IZUMO3: variants seen among roughly 807,000 people sequenced by gnomAD.
IZUMO3 encodes IZUMO family member 3.
IZUMO3 carries 36 observed loss-of-function variants against 28.4 expected under a neutral mutation model. The observed-to-expected ratio is 1.27, with a 90% CI of 0.97 to 1.67. The LOEUF is 1.67. Ranked by LOEUF, IZUMO3 falls within the 40% of genes most tolerant of loss-of-function variation. The pLI is 0.00. For missense variants in IZUMO3, 387 were observed against 278.5 expected (o/e 1.39, Z -2.77); for synonymous variants, 126 against 99.2 (o/e 1.27, Z -1.61).
In IZUMO3 at chr9:24,545,068, G is replaced by C. The variant is rs1047103890; in HGVS notation, c.302-7C>G. 1 of 1,529,186 alleles carries C rather than the reference G, an allele frequency of 6.5e-7. No homozygotes were observed. Among genetic ancestry groups the C allele is most frequent in the South Asian group, 1.2e-5 (1 of 83,582 alleles). The allele number at this position is 1,529,186 out of a possible 1,614,324, so 94.7% of individuals were successfully genotyped here. On this transcript the variant is annotated splice_polypyrimidine_tract_variant and splice_region_variant and intron_variant, in intron 2 of 6. Transcript: ENST00000543880. ...CCTTGATAGATAAAGACACCTAAGA[G>C]GGAGTGGAAGGGGTGTCAAAAAATA...
rs765503244 is a variant in IZUMO3 at position 24,545,492 on chromosome 9, C to A, written c.158G>T (p.Arg53Leu). The A allele has an allele frequency of 2.0e-6, 3 of 1,535,528 alleles. No homozygotes were observed. The highest frequency in any genetic ancestry group is 2.6e-6 in the Non-Finnish European group (3 of 1,146,698). ...TAAATGAATCATCTCCTTAATCTGC[C>A]GTTCAAGCAGCTGAGTTCGGCCGGG... ...EVPGRTQLLERQIKEMIHLSF... is the reference protein window; with the variant it reads ...EVPGRTQLLELQIKEMIHLSF... The change falls in exon 1 of 7, where the codon CGG (arginine) becomes CTG (leucine). Residue 53 changes from arginine (R) to leucine (L), a missense_variant. By Grantham distance (102) the Arg-to-Leu change is moderately radical. Transcript: ENST00000543880.
chr9:24,543,142 G>A lies in IZUMO3; in HGVS notation c.*87C>T, dbSNP rs1819486992. 1.9e-6 allele frequency: 2 copies of A among 1,046,812 alleles called. No individual in the cohort carries two copies. Among genetic ancestry groups the A allele is most frequent in the Admixed American group, 3.4e-5 (1 of 29,202 alleles). 64.8% of individuals were successfully genotyped at this position (1,046,812 alleles called of 1,614,324 possible). On this transcript the variant is annotated 3_prime_UTR_variant, in exon 7 of 7. Transcript: ENST00000543880. Reference sequence around the variant, plus strand: ...CAGTTTTAAAATACTATGACTTTATGACCAAGAAAGGGTTTACCTCCCAGT... The same window carrying A: ...CAGTTTTAAAATACTATGACTTTATAACCAAGAAAGGGTTTACCTCCCAGT...
chr9:24,545,820 A>C lies in IZUMO3; in HGVS notation c.-171T>G. ...CAATCTTTAGTTGTTTAGTTTAATG[A>C]TCTTTAGTTGTTTACTGACTATTAT... On this transcript the variant is annotated 5_prime_UTR_variant, in exon 1 of 7. Coordinates refer to ENST00000543880, the MANE Select transcript of IZUMO3 (RefSeq NM_001365008.2). 1 of 1,543,480 alleles carries C rather than the reference A, an allele frequency of 6.5e-7. No homozygotes were observed. Among genetic ancestry groups the C allele is most frequent in the East Asian group, 2.5e-5 (1 of 40,708 alleles).
chr9:24,544,343 T>C (rs1819531090), intron 4 of IZUMO3, 62 bp from the exon 5 acceptor site: 1 of 1,139,646 alleles, frequency 8.8e-7, no homozygotes, highest in East Asian at 2.6e-5. Context: ...TCCTTAGTCA[T>C]ACATCAAGTG....
chr9:24,543,423 A>C, intron 6 of IZUMO3, 56 bp from the exon 7 acceptor site: 1 of 452,374 alleles, frequency 2.2e-6, no homozygotes, highest in Non-Finnish European at 3.5e-6. Context: ...CCATTCTTTA[A>C]GCCAGTTATA....
chr9:24,543,706 A>G lies in IZUMO3; in HGVS notation c.539T>C (p.Ile180Thr). 5 of 1,549,780 alleles carry G rather than the reference A, an allele frequency of 3.2e-6. No homozygotes were observed. The highest frequency in any genetic ancestry group is 2.4e-5 in the South Asian group (2 of 84,034). ...CAGTATTACAGCTGTTGCCAGCAAT[A>G]TGAGAAATAGAGCAATCTCTCGATT... is the stretch of plus-strand genomic sequence containing the variant. ...AENREIALFL[I>T]LLATAVILGS... is the part of the protein sequence containing the mutation. The change falls in exon 6 of 7, where the codon ATA (isoleucine) becomes ACA (threonine). Residue 180 changes from isoleucine (I) to threonine (T), a missense_variant. Physicochemically the swap from Ile to Thr is moderately conservative, Grantham distance 89 (BLOSUM62 -1). Transcript: ENST00000543880.
chr9:24,543,615 G>T (rs1289360970), intron 6 of IZUMO3, 49 bp downstream of exon 6: 2 of 1,348,804 alleles, frequency 1.5e-6, no homozygotes, highest in Non-Finnish European at 2.1e-6. Flanking sequence ...GCAGTCTCTT[G>T]GCAAAAGGAA....
Position 24,545,470 on chromosome 9 carries a change from A to G in IZUMO3, c.180T>C (p.His60=). ...LLERQIKEMI[H]LSFKVSHSDK... ...CACTGTGGGAGACCTTGAAGCTTAA[A>G]TGAATCATCTCCTTAATCTGCCGTT... Residue 60 remains histidine, a synonymous_variant, in exon 1 of 7, where the codon CAT becomes CAC. Transcript: ENST00000543880. 6.5e-7 allele frequency: 1 copy of G among 1,536,260 alleles called. No individual in the cohort carries two copies. The highest frequency in any genetic ancestry group is 8.7e-7 in the Non-Finnish European group (1 of 1,146,736).
In IZUMO3 at chr9:24,545,744, T is replaced by C; in HGVS notation, c.-95A>G. The C allele has an allele frequency of 3.3e-6, 5 of 1,534,512 alleles. No homozygotes were observed. The highest frequency in any genetic ancestry group is 4.4e-6 in the Non-Finnish European group (5 of 1,141,910). ...CAAAAATCCGGGAATGAGAGCCTGGTTCTGGATAGTCTGACTCCACTTTTC... is the reference window on the plus strand; with the variant it reads ...CAAAAATCCGGGAATGAGAGCCTGGCTCTGGATAGTCTGACTCCACTTTTC... On this transcript the variant is annotated 5_prime_UTR_variant, in exon 1 of 7. Coordinates refer to ENST00000543880, the MANE Select transcript of IZUMO3 (RefSeq NM_001365008.2).
intron 5 of IZUMO3, 119 bp from the exon 6 acceptor site, chr9:24,543,873 C>G (rs1819519449): frequency 3.0e-6 from 2 of 677,398 alleles, no homozygotes; most frequent in Admixed American, 2.4e-5. Flanking sequence ...TACTTCATCA[C>G]TGTTCCATGC....
chr9:24,543,435 ATTGTTTTTT>A, intron 6 of IZUMO3, 68 bp from the exon 7 acceptor site: 7 of 75,192 alleles, frequency 9.3e-5, no homozygotes, highest in Middle Eastern at 8.9e-4. Flanking sequence ...CCAGTTATAC[ATTGTTTTTT>A]TTTTTTTTTT....
At position 24,543,378 on chromosome 9, in the gene IZUMO3, A is replaced by G; in HGVS notation, c.582-11T>C. 1 of 1,533,828 alleles carries G rather than the reference A, an allele frequency of 6.5e-7. No homozygotes were observed. Among genetic ancestry groups the G allele is most frequent in the Non-Finnish European group, 8.8e-7 (1 of 1,139,656 alleles). ...ATGCAAAAATGGAATCTAGAGTAGG[A>G]AAAGAAAATAATTCCAACTTCAATA... On this transcript the variant is annotated splice_polypyrimidine_tract_variant and intron_variant, in intron 6 of 6. Coordinates refer to ENST00000543880, the MANE Select transcript of IZUMO3 (RefSeq NM_001365008.2).
intron 5 of IZUMO3, 80 bp from the exon 6 acceptor site, chr9:24,543,834 C>A: frequency 1.1e-6 from 1 of 914,326 alleles, no homozygotes; most frequent in Non-Finnish European, 1.7e-6. Context: ...GAATAGAAAA[C>A]TCTTTTAACC....
chr9:24,545,864 G>A lies in IZUMO3; in HGVS notation c.-215C>T, dbSNP rs1322702152. 2.0e-6 allele frequency: 3 copies of A among 1,520,198 alleles called. No individual in the cohort carries two copies. Among genetic ancestry groups the A allele is most frequent in the East Asian group, 2.6e-5 (1 of 38,362 alleles). The allele number at this position is 1,520,198 out of a possible 1,614,324, so 94.2% of individuals were successfully genotyped here. A position where few individuals can be genotyped will look rare whatever the true frequency, so the allele number is the denominator to read the frequency against. On this transcript the variant is annotated 5_prime_UTR_variant, in exon 1 of 7. Coordinates refer to ENST00000543880, the MANE Select transcript of IZUMO3 (RefSeq NM_001365008.2). ...CTATTATCCTTCATTCTAGGAGAGG[G>A]AACTGCCAGCTGGGGAGCGGATACC...
At chr9:24,545,094 G>C in intron 2 of IZUMO3, 33 bp from the exon 3 acceptor site, 1 of 1,485,828 alleles carries the variant, frequency 6.7e-7, no homozygotes, top group Non-Finnish European at 9.2e-7. Flanking sequence ...TCAAAAAATA[G>C]AAGTAGCTCT....
chr9:24,543,702 C>A lies in IZUMO3; in HGVS notation c.543G>T (p.Leu181Phe). 1 of 1,549,496 alleles carries A rather than the reference C, an allele frequency of 6.5e-7. No individual in the cohort carries two copies. The highest frequency in any genetic ancestry group is 8.7e-7 in the Non-Finnish European group (1 of 1,146,334). Reference sequence around the variant, plus strand: ...TTCCCAGTATTACAGCTGTTGCCAGCAATATGAGAAATAGAGCAATCTCTC... The same window carrying A: ...TTCCCAGTATTACAGCTGTTGCCAGAAATATGAGAAATAGAGCAATCTCTC... ...ENREIALFLI[L>F]LATAVILGSA... Residue 181 changes from leucine (L) to phenylalanine (F), a missense_variant, in exon 6 of 7, where the codon TTG becomes TTT. By Grantham distance (22) the Leu-to-Phe change is conservative. Transcript: ENST00000543880.
chr9:24,543,510 AT>A, intron 6 of IZUMO3, 143 bp from the exon 7 acceptor site: 1 of 574,094 alleles, frequency 1.7e-6, no homozygotes, highest in Non-Finnish European at 2.4e-6. Flanking sequence ...TCCAACTATT[AT>A]CCCGTCAAAC....
At chr9:24,543,778 T>C (rs1306263025) in intron 5 of IZUMO3, 24 bp from the exon 6 acceptor site, 6 of 1,440,576 alleles carry the variant, frequency 4.2e-6, no homozygotes, top group East Asian at 5.0e-5. Flanking sequence ...CAGGAAAATA[T>C]GAAAGTGAGT....
chr9:24,545,827 G>A lies in IZUMO3; in HGVS notation c.-178C>T. On this transcript the variant is annotated 5_prime_UTR_variant, in exon 1 of 7. Coordinates refer to ENST00000543880, the MANE Select transcript of IZUMO3 (RefSeq NM_001365008.2). ...TAGTTGTTTAGTTTAATGATCTTTA[G>A]TTGTTTACTGACTATTATCCTTCAT... 4 of 1,542,988 alleles carry A rather than the reference G, an allele frequency of 2.6e-6. No homozygotes were observed. In the South Asian group the frequency reaches 3.6e-5, roughly 14 times the overall value.
Sources: allele counts gnomAD v4.1 joint callset, GRCh38; gene constraint gnomAD v4.1.1; transcripts MANE v1.5; gene names NCBI Gene and HGNC (gene_info 2026-07-23, HGNC 2026-07-21).